The following IFIH1 variants were observed in gnomAD, a reference collection of about 807,000 sequenced individuals.
The protein encoded by IFIH1 is interferon induced with helicase C domain 1.
Under a neutral mutation model 107.4 loss-of-function variants are expected in IFIH1, and 125 were observed. The ratio of observed to expected loss-of-function variants is 1.16; its 90% CI spans 1.01 to 1.35. IFIH1 has a LOEUF of 1.35. IFIH1 is among the 40% of genes most tolerant of loss of function. The pLI is 0.00. For missense variants in IFIH1, 1,333 were observed against 1,213.7 expected (o/e 1.10, Z -1.46); for synonymous variants, 458 against 413.2 (o/e 1.11, Z -1.31).
chr2:162,290,064 T>C (rs1036085653), intron 4 of IFIH1, among the ~76,000 whole-genome samples: 1 of 151,892 alleles, frequency 6.6e-6, no homozygotes. Flanking sequence ...CAAAGGAAGA[T>C]GCATTATAAA....
intron 3 of IFIH1, among the ~76,000 whole-genome samples, chr2:162,298,367 G>C (rs1024395537): frequency 6.6e-6 from 1 of 152,130 alleles, no homozygotes; most frequent in Non-Finnish European, 1.5e-5. Flanking sequence ...AGCAGGAAAC[G>C]CGAGGGGAAA....
chr2:162,280,079 T>C lies in IFIH1; in HGVS notation c.1558A>G (p.Thr520Ala), dbSNP rs145641024. Residue 520 changes from threonine to alanine, a missense_variant, in exon 8 of 16, where the codon ACT becomes GCT. Thr to Ala is a moderately conservative substitution (Grantham distance 58). Transcript: ENST00000649979. ...AGTTGATCAAGGTTTTCTTTAACAG[T>C]TTTAATAGTAAATGCATCAAGATTG... is the stretch of plus-strand genomic sequence containing the variant. ...CANLDAFTIK[T>A]VKENLDQLKN... The C allele has an allele frequency of 1.4e-4, 228 of 1,605,196 alleles. 2 individuals are homozygous for C. The highest frequency in any genetic ancestry group is 1.7e-4 in the Non-Finnish European group (202 of 1,172,826).
chr2:162,273,648 A>G (rs1287286088), intron 12 of IFIH1, 147 bp downstream of exon 12: 4 of 609,912 alleles, frequency 6.6e-6, no homozygotes, highest in African/African-American at 1.9e-5. Context: ...AACAGTGCAC[A>G]GCATTTTAAA....
In IFIH1 at chr2:162,318,595, G is replaced by C. The variant is rs1460056203; in HGVS notation, c.-288C>G. ...CGGCACTTTGGACTCTGCGGTGTGC[G>C]CCTGGGGTCCCGGACCGGGGCGATC... On this transcript the variant is annotated 5_prime_UTR_variant, in exon 1 of 16. Coordinates refer to ENST00000649979, the MANE Select transcript of IFIH1 (RefSeq NM_022168.4). The C allele has an allele frequency of 4.7e-6, 1 of 211,686 alleles. No homozygotes were observed. Among genetic ancestry groups the C allele is most frequent in the Non-Finnish European group, 9.3e-6 (1 of 107,876 alleles). The allele number at this position is 211,686 out of a possible 1,614,324, so 13.1% of individuals were successfully genotyped here.
chr2:162,269,231 G>GA (rs11381474), intron 13 of IFIH1, among the ~76,000 whole-genome samples: 2,841 of 152,278 alleles, frequency 0.019, 42 homozygotes, highest in Non-Finnish European at 0.029. Context: ...GGAATTTTCA[G>GA]AAAATCTTCT....
rs1348521704 is a variant in IFIH1 at position 162,310,868 on chromosome 2, CT to C, written c.518del (p.Gln173ArgfsTer10). 1 of 1,613,394 alleles carries C rather than the reference CT, an allele frequency of 6.2e-7. No homozygotes were observed. The highest frequency in any genetic ancestry group is 1.7e-5 in the Admixed American group (1 of 59,992). Reference sequence around the variant, plus strand: ...GAAATGCAGAGAACCAGTTTTCTTTCTGCACAATCCTTTTTAGTAGCTCTCT... The same window carrying C: ...GAAATGCAGAGAACCAGTTTTCTTTCGCACAATCCTTTTTAGTAGCTCTCT... ...GVRELLKRIV[Q>X]KENWFSAFLN... is the part of the protein sequence containing the mutation. On this transcript the variant is annotated frameshift_variant, in exon 2 of 16. Coordinates refer to ENST00000649979, the MANE Select transcript of IFIH1 (RefSeq NM_022168.4). LOFTEE classifies it high-confidence loss of function.
intron 1 of IFIH1, among the ~76,000 whole-genome samples, chr2:162,316,629 C>G (rs1683491704): frequency 6.6e-6 from 1 of 151,970 alleles, no homozygotes; most frequent in East Asian, 1.9e-4. Flanking sequence ...TATGAATATA[C>G]AAACAATGGA....
intron 5 of IFIH1, 69 bp from the exon 6 acceptor site, chr2:162,282,645 G>T (rs1006275426): frequency 1.2e-5 from 11 of 953,756 alleles, no homozygotes; most frequent in East Asian, 5.2e-5. Context: ...TTGATCAAAG[G>T]CCTGTTTGGC....
intron 3 of IFIH1, among the ~76,000 whole-genome samples, chr2:162,301,097 A>G (rs1467499066): frequency 6.6e-6 from 1 of 152,214 alleles, no homozygotes; most frequent in African/African-American, 2.4e-5. Context: ...TCCACAATAT[A>G]TTCCAAAGCA....
At chr2:162,313,139 A>G (rs1304095135) in intron 1 of IFIH1, among the ~76,000 whole-genome samples, 1 of 152,204 alleles carries the variant, frequency 6.6e-6, no homozygotes, top group Non-Finnish European at 1.5e-5. Context: ...CAGCCTCATC[A>G]AGATGCTGAA....
At position 162,282,593 on chromosome 2, in the gene IFIH1, G is replaced by C. The variant is rs372329426; in HGVS notation, c.1096-17C>G. ...TAGCAGTACCTTAAAAAAATGTGAA[G>C]ATTTTTTAAAAGAGAGAAAGTTAGT... On this transcript the variant is annotated splice_polypyrimidine_tract_variant and intron_variant, in intron 5 of 15. Transcript: ENST00000649979. 1.9e-6 allele frequency: 3 copies of C among 1,552,524 alleles called. No individual in the cohort carries two copies. The African/African-American group carries it at 4.1e-5, about 21-fold the overall frequency.
intron 4 of IFIH1, among the ~76,000 whole-genome samples, chr2:162,292,370 A>C (rs1387927680): frequency 1.3e-5 from 2 of 151,894 alleles, no homozygotes; most frequent in South Asian, 4.1e-4. Context: ...ACAGAAAATG[A>C]ATTCACCCTT....
At chr2:162,314,399 CTTTCTTTCTTTCTTTCT>C (rs1241955832) in intron 1 of IFIH1, among the ~76,000 whole-genome samples, 3 of 56,762 alleles carry the variant, frequency 5.3e-5, no homozygotes, top group African/African-American at 2.8e-4. Flanking sequence ...TCCCTCCCTC[CTTTCTTTCTTTCTTTCT>C]TTTCTTTCTT....
intron 13 of IFIH1, 50 bp from the exon 14 acceptor site, chr2:162,268,327 C>T: frequency 1.6e-6 from 2 of 1,278,864 alleles, no homozygotes; most frequent in East Asian, 2.3e-5. Context: ...TTTCTTTTTT[C>T]AGTTTCATAG....
intron 3 of IFIH1, among the ~76,000 whole-genome samples, chr2:162,295,777 C>T (rs1293849136): frequency 2.0e-5 from 3 of 151,794 alleles, no homozygotes; most frequent in Non-Finnish European, 1.5e-5. Flanking sequence ...AGCTCAGAGG[C>T]GAATGTGGGA....
intron 3 of IFIH1, among the ~76,000 whole-genome samples, chr2:162,306,368 G>T (rs907903209): frequency 2.0e-5 from 3 of 152,058 alleles, no homozygotes; most frequent in African/African-American, 4.8e-5. Context: ...TTATTTTCAG[G>T]GTTTTGGGTG....
intron 1 of IFIH1, among the ~76,000 whole-genome samples, chr2:162,317,114 G>A (rs889079677): frequency 1.3e-5 from 2 of 151,406 alleles, no homozygotes; most frequent in African/African-American, 2.4e-5. Flanking sequence ...GGCAAAGATT[G>A]GAAAACTTTT....
In IFIH1 at chr2:162,282,389, T is replaced by C. The variant is rs74162081; in HGVS notation, c.1283A>G (p.Glu428Gly). Reference protein sequence around the residue: ...ENSLLNLENGEDAGVQLSDFS... With the variant: ...ENSLLNLENGGDAGVQLSDFS... ...ACCTGACAATTGAACACCAGCATCT[T>C]CTCCATTTTCCAAGTTTAAGAGGGA... Residue 428 changes from glutamate to glycine, a missense_variant, in exon 6 of 16, where the codon GAA becomes GGA. Transcript: ENST00000649979. 6.2e-7 allele frequency: 1 copy of C among 1,610,536 alleles called. No individual in the cohort carries two copies. The highest frequency in any genetic ancestry group is 8.5e-7 in the Non-Finnish European group (1 of 1,177,786).
In IFIH1 at chr2:162,282,508, A is replaced by G; in HGVS notation, c.1164T>C (p.Ile388=). 1 of 1,611,918 alleles carries G rather than the reference A, an allele frequency of 6.2e-7. No homozygotes were observed. The highest frequency in any genetic ancestry group is 8.5e-7 in the Non-Finnish European group (1 of 1,178,740). The part of the protein sequence containing the change: ...QPFLKKWYRV[I]GLSGDTQLKI... Reference sequence around the variant, plus strand: ...TCAGTTGGGTATCACCACTTAATCCAATAACACGATACCATTTCTTCAAAA... The same window carrying G: ...TCAGTTGGGTATCACCACTTAATCCGATAACACGATACCATTTCTTCAAAA... The change falls in exon 6 of 16, where the codon ATT becomes ATC. Residue 388 remains isoleucine (I), a synonymous_variant. Coordinates refer to ENST00000649979, the MANE Select transcript of IFIH1 (RefSeq NM_022168.4).
Sources: allele counts gnomAD v4.1 joint callset (sites outside exome capture counted in the v4.1 genomes callset), GRCh38; gene constraint gnomAD v4.1.1; transcripts MANE v1.5; gene names NCBI Gene and HGNC (gene_info 2026-07-23, HGNC 2026-07-21).